Variants in CTTN observed in about 807,000 individuals in gnomAD.
CTTN encodes the protein src substrate cortactin.
CTTN carries 28 observed loss-of-function variants against 84.0 expected under a neutral mutation model. That is an observed-to-expected ratio of 0.33 (90% confidence interval 0.25 to 0.46). The LOEUF is 0.46. Among genes scored for constraint, CTTN ranks in the 20% least tolerant of loss-of-function variants. The pLI, the probability that CTTN is intolerant of heterozygous loss-of-function variation, is 1.00. For missense variants in CTTN, 641 were observed against 723.8 expected (o/e 0.89, Z 1.31); for synonymous variants, 301 against 288.8 (o/e 1.04, Z -0.43).
rs2058172023 is a variant in CTTN, at chr11:70,417,087, T to C, written c.532T>C (p.Tyr178His). 6.2e-7 allele frequency: 1 copy of C among 1,614,070 alleles called. No individual in the cohort carries two copies. Among genetic ancestry groups the C allele is most frequent in the Non-Finnish European group, 8.5e-7 (1 of 1,180,044 alleles). Residue 178 changes from tyrosine to histidine, a missense_variant, in exon 8 of 18, where the codon TAC becomes CAC. Coordinates refer to ENST00000301843, the MANE Select transcript of CTTN (RefSeq NM_005231.4). ...AGACAAGAGCGCGGTGGGCTTCGAC[T>C]ACCAGGGCAAGACGGAGAAGCACGA... ...RVDKSAVGFDYQGKTEKHESQ... is the reference protein window; with the variant it reads ...RVDKSAVGFDHQGKTEKHESQ...
At position 70,417,045 on chromosome 11, in the gene CTTN, G is replaced by A. The variant is rs200865893; in HGVS notation, c.490G>A (p.Val164Met). Residue 164 changes from valine to methionine, a missense_variant, in exon 8 of 18, where the codon GTG becomes ATG. Physicochemically the swap from Val to Met is conservative, Grantham distance 21. This residue lies in a region of CTTN where 284 missense variants were observed against 348.4 expected (regional missense o/e 0.82). Transcript: ENST00000301843. ...YSSGFGGKYGVQADRVDKSAV... is the reference protein window; with the variant it reads ...YSSGFGGKYGMQADRVDKSAV... ...CAGTGGTTTTGGCGGCAAGTATGGC[G>A]TGCAGGCCGACCGAGTAGACAAGAG... is the stretch of plus-strand genomic sequence containing the variant. 32 of 1,614,066 alleles carry A rather than the reference G, an allele frequency of 2.0e-5. No homozygotes were observed. Among genetic ancestry groups the A allele is most frequent in the Admixed American group, 3.3e-5 (2 of 60,004 alleles).
intron 1 of CTTN, among the ~76,000 whole-genome samples, chr11:70,400,849 A>C (rs2057970100): frequency 6.6e-6 from 1 of 152,210 alleles, no homozygotes; most frequent in African/African-American, 2.4e-5. Flanking sequence ...CCATCTGCTC[A>C]CGCACTGCTT....
intron 11 of CTTN, chr11:70,421,895 G>T: frequency 3.0e-6 from 1 of 334,774 alleles, no homozygotes; most frequent in South Asian, 4.1e-5. Flanking sequence ...GCAGCATTCT[G>T]CCCGAGGCTG....
intron 7 of CTTN, 130 bp downstream of exon 7, chr11:70,415,847 C>A: frequency 2.4e-6 from 2 of 841,308 alleles, no homozygotes; most frequent in East Asian, 2.4e-5. Flanking sequence ...GAAGCCGTTT[C>A]CTGAGCGGTG....
intron 4 of CTTN, among the ~76,000 whole-genome samples, chr11:70,409,470 G>A (rs557653717): frequency 3.0e-4 from 45 of 152,300 alleles, no homozygotes; most frequent in Admixed American, 8.5e-4. Context: ...ATAGCCTCGT[G>A]TTTCCCCCTC....
chr11:70,429,143 GC>G lies in CTTN; in HGVS notation c.1123del (p.Gln375SerfsTer57), dbSNP rs1565499206. On this transcript the variant is annotated frameshift_variant, in exon 14 of 18. Transcript: ENST00000301843. LOFTEE classifies it high-confidence loss of function. The part of the protein sequence containing the change: ...EDRRKAEAER[A>X]QRMAKERQEQ... Reference sequence around the variant, plus strand: ...CAGGCGGAAGGCGGAGGCGGAGAGAGCCCAGCGGATGGCCAAGGAGCGGCAG... The same window carrying G: ...CAGGCGGAAGGCGGAGGCGGAGAGAGCCAGCGGATGGCCAAGGAGCGGCAG... 6.2e-7 allele frequency: 1 copy of G among 1,614,060 alleles called. No homozygotes were observed. Among genetic ancestry groups the G allele is most frequent in the East Asian group, 2.2e-5 (1 of 44,886 alleles).
intron 8 of CTTN, among the ~76,000 whole-genome samples, chr11:70,418,206 C>T (rs978417226): frequency 2.0e-5 from 3 of 152,218 alleles, no homozygotes; most frequent in Admixed American, 6.5e-5. Flanking sequence ...AGGAAAGTGC[C>T]GGTGGCCTGG....
rs559491135 is a variant in CTTN at position 70,426,203 on chromosome 11, C to T, written c.1027+802C>T. Among the ~76,000 whole-genome samples, 3 of 152,196 alleles carry T rather than the reference C, an allele frequency of 2.0e-5. No individual in the cohort carries two copies. The East Asian group carries it at 5.8e-4, about 29-fold the overall frequency. On this transcript the variant is annotated intron_variant, in intron 13 of 17. Coordinates refer to ENST00000301843, the MANE Select transcript of CTTN (RefSeq NM_005231.4). Reference sequence around the variant, plus strand: ...CGGGCGGATCACGAGGTCAGGAGATCGAGACCATCCTGGCTAACACGATGA... The same window carrying T: ...CGGGCGGATCACGAGGTCAGGAGATTGAGACCATCCTGGCTAACACGATGA...
chr11:70,412,690 A>T (rs961972424), intron 5 of CTTN, among the ~76,000 whole-genome samples: 3 of 152,186 alleles, frequency 2.0e-5, no homozygotes, highest in African/African-American at 7.2e-5. Context: ...CGGTGGCTGC[A>T]TCCATCACGC....
chr11:70,412,542 C>T (rs1318572575), intron 5 of CTTN, among the ~76,000 whole-genome samples: 2 of 152,170 alleles, frequency 1.3e-5, no homozygotes, highest in South Asian at 2.1e-4. Flanking sequence ...TGCGTTAAGA[C>T]TTGAGGAATA....
At chr11:70,406,299 G>C (rs1195004747) in intron 2 of CTTN, among the ~76,000 whole-genome samples, 1 of 152,168 alleles carries the variant, frequency 6.6e-6, no homozygotes, top group Non-Finnish European at 1.5e-5. Context: ...AGCCAGATGG[G>C]ACATTCTCAA....
chr11:70,410,351 C>T (rs2058084663), intron 5 of CTTN: 1 of 197,000 alleles, frequency 5.1e-6, no homozygotes, highest in Non-Finnish European at 1.1e-5. Context: ...TCTGTAGGTC[C>T]CCATGGTTCA....
intron 1 of CTTN, among the ~76,000 whole-genome samples, chr11:70,399,839 G>T (rs376570737): frequency 7.9e-5 from 12 of 152,248 alleles, no homozygotes; most frequent in African/African-American, 2.6e-4. Context: ...ACTTGGCTGC[G>T]CAGGCTCTGT....
rs558062740 is a variant in CTTN, at chr11:70,420,627, T to A, written c.790+117T>A. ...CTGCTGCACATTGTTTTGTCTTCAC[T>A]GTTTGAAGTTGTCCTGTGTGCCCCC... is the stretch of plus-strand genomic sequence containing the variant. On this transcript the variant is annotated intron_variant, in intron 10 of 17. Transcript: ENST00000301843. The A allele has an allele frequency of 9.8e-5, 74 of 752,198 alleles. No homozygotes were observed. In the African/African-American group the frequency reaches 1.2e-3, roughly 12 times the overall value. The allele number at this position is 752,198 out of a possible 1,614,324, so 46.6% of individuals were successfully genotyped here. A position where few individuals can be genotyped will look rare whatever the true frequency, so the allele number is the denominator to read the frequency against.
rs750538226 is a variant in CTTN, at chr11:70,435,054, T to C, written c.1545T>C (p.Pro515=). The C allele has an allele frequency of 1.9e-6, 3 of 1,614,046 alleles. No homozygotes were observed. The East Asian group carries it at 6.7e-5, about 36-fold the overall frequency. The change falls in exon 18 of 18, where the codon CCT becomes CCC. Residue 515 remains proline (P), a synonymous_variant. Transcript: ENST00000301843. ...AAGDDEISFD[P]DDIITNIEMI... ...GCGATGATGAGATCTCATTTGACCC[T>C]GATGACATCATCACCAACATCGAGA...
Position 70,435,171 on chromosome 11 carries a change from G to GC in CTTN, c.*18dup, listed in dbSNP as rs553369355. 3,558 of 1,489,986 alleles carry GC rather than the reference G, an allele frequency of 2.4e-3. 1 individual carries two copies. The highest frequency in any genetic ancestry group is 6.8e-3 in the East Asian group (276 of 40,518). The allele number at this position is 1,489,986 out of a possible 1,614,324, so 92.3% of individuals were successfully genotyped here. A position where few individuals can be genotyped will look rare whatever the true frequency, so the allele number is the denominator to read the frequency against. ...TGGAGCTGCGGCAGTAGGGCCCCCA[G>GC]CCCCCCCCCGGAGCTGCGCCCTGGA... is the stretch of plus-strand genomic sequence containing the variant. On this transcript the variant is annotated 3_prime_UTR_variant, in exon 18 of 18. Coordinates refer to ENST00000301843, the MANE Select transcript of CTTN (RefSeq NM_005231.4).
At chr11:70,399,044 G>A (rs1276598429) in intron 1 of CTTN, among the ~76,000 whole-genome samples, 16 of 148,908 alleles carry the variant, frequency 1.1e-4, no homozygotes, top group Non-Finnish European at 1.5e-5. Flanking sequence ...CCGAGGGGGA[G>A]GGTATTAGGG....
At chr11:70,401,634 TGA>T (rs927622361) in intron 1 of CTTN, among the ~76,000 whole-genome samples, 8 of 145,512 alleles carry the variant, frequency 5.5e-5, no homozygotes, top group African/African-American at 2.0e-4. Flanking sequence ...GGCAACAGAG[TGA>T]GACTTCGTCT....
intron 8 of CTTN, among the ~76,000 whole-genome samples, chr11:70,418,839 C>T (rs1243197548): frequency 6.8e-6 from 1 of 148,110 alleles, no homozygotes; most frequent in Admixed American, 6.8e-5. Flanking sequence ...TGCAGTGGTG[C>T]GATCTCAGCT....
Sources: gnomAD v4.1 joint callset for allele counts (sites outside exome capture counted in the v4.1 genomes callset) on GRCh38, gnomAD v4.1.1 for gene constraint, gnomAD v4.1.1 regional missense constraint, MANE v1.5 for transcripts, NCBI Gene and HGNC (gene_info 2026-07-23, HGNC 2026-07-21) for gene names.